The following CDH12 variants were observed in gnomAD, a reference collection of about 807,000 sequenced individuals.
CDH12 encodes the protein cadherin 12.
A neutral mutation model predicts 74.1 loss-of-function variants in CDH12; 41 were observed. The observed-to-expected ratio is 0.55, with a 90% CI of 0.43 to 0.72. CDH12 has a LOEUF of 0.72. Ranked by LOEUF, CDH12 falls within the 30% of genes least tolerant of loss-of-function variation. CDH12 has a pLI of 0.00. For missense variants in CDH12, 945 were observed against 977.2 expected (o/e 0.97, Z 0.44); for synonymous variants, 399 against 355.0 (o/e 1.12, Z -1.39).
chr5:22,336,196 C>T (rs1438802322), intron 3 of CDH12, among the ~76,000 whole-genome samples: 1 of 152,114 alleles, frequency 6.6e-6, no homozygotes, highest in African/African-American at 2.4e-5. Context: ...TCCTAAGCAG[C>T]AAATCATTCA....
intron 12 of CDH12, among the ~76,000 whole-genome samples, chr5:21,764,227 A>C (rs1267243745): frequency 6.6e-6 from 1 of 152,080 alleles, no homozygotes; most frequent in Non-Finnish European, 1.5e-5. Context: ...ACAAAAAATT[A>C]GCTGGGCGTG....
chr5:22,188,664 T>C (rs1194016107), intron 4 of CDH12, among the ~76,000 whole-genome samples: 2 of 152,190 alleles, frequency 1.3e-5, no homozygotes, highest in Non-Finnish European at 2.9e-5. Context: ...CTGTGCCTAT[T>C]AGCATTTTAA....
intron 1 of CDH12, among the ~76,000 whole-genome samples, chr5:22,610,604 T>C (rs556170503): frequency 3.7e-4 from 56 of 151,724 alleles, no homozygotes; most frequent in African/African-American, 1.3e-3. Flanking sequence ...CTATTTACTG[T>C]GGTAAATACT....
In CDH12 at chr5:21,802,300, C is replaced by G. The variant is rs1306514505; in HGVS notation, c.1123G>C (p.Val375Leu). 1.2e-6 allele frequency: 2 copies of G among 1,613,878 alleles called. No homozygotes were observed. Among genetic ancestry groups the G allele is most frequent in the South Asian group, 2.2e-5 (2 of 91,076 alleles). The change falls in exon 10 of 15, where the codon GTG becomes CTG. Residue 375 changes from valine (V) to leucine (L), a missense_variant. Around this residue, in one of 3 missense-constraint regions of CDH12, gnomAD observed 791 missense variants for 792.8 expected, o/e 1.00. Coordinates refer to ENST00000382254, the MANE Select transcript of CDH12 (RefSeq NM_004061.5). ...FKDTATVKISVLDVDEPPVFS... is the reference protein window; with the variant it reads ...FKDTATVKISLLDVDEPPVFS... ...ACCGGTGGCTCATCTACGTCCAGCA[C>G]GCTGATCTTCACCGTAGCTGTGTCT...
At chr5:22,306,660 C>T (rs1038746469) in intron 3 of CDH12, among the ~76,000 whole-genome samples, 1 of 152,020 alleles carries the variant, frequency 6.6e-6, no homozygotes, top group Admixed American at 6.6e-5. Flanking sequence ...ATTATTACAG[C>T]TCTGGGTTCT....
At chr5:22,163,490 A>G (rs1324674533) in intron 4 of CDH12, among the ~76,000 whole-genome samples, 1 of 152,152 alleles carries the variant, frequency 6.6e-6, no homozygotes, top group African/African-American at 2.4e-5. Context: ...AGTCTTACCC[A>G]CTTCAGTTGA....
At chr5:22,283,205 G>GATAGATATAT (rs1736967100) in intron 3 of CDH12, among the ~76,000 whole-genome samples, 7 of 107,984 alleles carry the variant, frequency 6.5e-5, no homozygotes, top group Admixed American at 3.9e-4. Context: ...ACATCTGTGA[G>GATAGATATAT]ATATATATAT....
chr5:22,811,026 T>C (rs975102290), intron 1 of CDH12, among the ~76,000 whole-genome samples: 2 of 151,416 alleles, frequency 1.3e-5, no homozygotes, highest in Non-Finnish European at 2.9e-5. Context: ...TATACATATG[T>C]ACATACATAA....
At chr5:21,777,982 A>G (rs1745687226) in intron 11 of CDH12, among the ~76,000 whole-genome samples, 1 of 152,184 alleles carries the variant, frequency 6.6e-6, no homozygotes, top group Admixed American at 6.5e-5. Flanking sequence ...ATTTTTCAGG[A>G]ATACAATATA....
Position 22,515,678 on chromosome 5 carries a change from T to C in CDH12, c.-522-10314A>G, listed in dbSNP as rs182088261. The stretch of plus-strand genomic sequence containing the variant: ...ACAGGGAATCATAGACTATTTGATA[T>C]GTAGTAATGAGAAATTTGATGATCT... On this transcript the variant is annotated intron_variant, in intron 1 of 14. Transcript: ENST00000382254. Among the ~76,000 whole-genome samples the C allele has an allele frequency of 3.0e-3, 459 of 152,214 alleles. 5 individuals carry two copies. The highest frequency in any genetic ancestry group is 4.3e-3 in the Non-Finnish European group (292 of 67,946).
intron 6 of CDH12, among the ~76,000 whole-genome samples, chr5:21,884,470 T>C (rs1415219023): frequency 6.6e-6 from 1 of 152,192 alleles, no homozygotes; most frequent in Non-Finnish European, 1.5e-5. Flanking sequence ...GTTGACAAAA[T>C]ATATAATGGT....
At chr5:22,747,647 G>A (rs1163788893) in intron 1 of CDH12, among the ~76,000 whole-genome samples, 1 of 149,166 alleles carries the variant, frequency 6.7e-6, no homozygotes, top group East Asian at 1.9e-4. Context: ...AAAAAAAGTA[G>A]TAAATAATGA....
intron 4 of CDH12, among the ~76,000 whole-genome samples, chr5:22,093,680 T>C (rs1250106782): frequency 1.3e-5 from 2 of 152,200 alleles, no homozygotes. Context: ...AAAAATGTTC[T>C]AAAATCATAT....
At chr5:22,267,289 T>C (rs569436115) in intron 3 of CDH12, among the ~76,000 whole-genome samples, 15 of 152,284 alleles carry the variant, frequency 9.9e-5, no homozygotes, top group African/African-American at 3.6e-4. Flanking sequence ...GAGTAACGTG[T>C]TTTAATTCCT....
At chr5:21,784,916 T>A (rs1452773097) in intron 10 of CDH12, among the ~76,000 whole-genome samples, 19 of 152,152 alleles carry the variant, frequency 1.2e-4, no homozygotes, top group Admixed American at 6.6e-5. Context: ...ATACCTTATT[T>A]CATGGCTCTT....
chr5:22,021,440 A>G (rs1737967379), intron 5 of CDH12, among the ~76,000 whole-genome samples: 1 of 152,198 alleles, frequency 6.6e-6, no homozygotes, highest in African/African-American at 2.4e-5. Flanking sequence ...TAGGGAAAGT[A>G]CCGAGGCATC....
chr5:21,888,521 C>G (rs1251714763), intron 6 of CDH12, among the ~76,000 whole-genome samples: 2 of 152,056 alleles, frequency 1.3e-5, no homozygotes, highest in Non-Finnish European at 2.9e-5. Context: ...AGCACACCAA[C>G]ATGGTACATG....
intron 1 of CDH12, among the ~76,000 whole-genome samples, chr5:22,726,473 C>A (rs558257386): frequency 6.6e-6 from 1 of 151,766 alleles, no homozygotes; most frequent in East Asian, 1.9e-4. Context: ...TAGGTAAATT[C>A]CAAGAAGTGT....
chr5:22,321,115 G>A (rs1738857374), intron 3 of CDH12, among the ~76,000 whole-genome samples: 1 of 152,096 alleles, frequency 6.6e-6, no homozygotes, highest in Non-Finnish European at 1.5e-5. Context: ...ATAGGGGACA[G>A]GAAGGAAATT....
Sources: allele counts gnomAD v4.1 joint callset (sites outside exome capture counted in the v4.1 genomes callset), GRCh38; gene constraint gnomAD v4.1.1; regional missense constraint gnomAD v4.1.1; transcripts MANE v1.5; gene names NCBI Gene and HGNC (gene_info 2026-07-23, HGNC 2026-07-21).